Variants in MBNL2 observed in about 807,000 individuals in gnomAD.
The protein encoded by MBNL2 is muscleblind-like protein 2.
In MBNL2, 17 loss-of-function variants were observed where a neutral mutation model predicts 41.9. That is an observed-to-expected ratio of 0.41 (90% confidence interval 0.28 to 0.61). The LOEUF (loss-of-function observed/expected upper bound fraction) is 0.61. Among genes scored for constraint, MBNL2 ranks in the 20% least tolerant of loss-of-function variants. MBNL2 has a pLI of 0.35. For missense variants in MBNL2, 336 were observed against 505.6 expected, an observed-to-expected ratio of 0.66 and a Z score of 3.22; for synonymous variants, 195 against 182.9, an observed-to-expected ratio of 1.07 and a Z score of -0.53.
At chr13:97,242,024 C>A (rs2044385327) in intron 1 of MBNL2, among the ~76,000 whole-genome samples, 1 of 152,064 alleles carries the variant, frequency 6.6e-6, no homozygotes, top group Non-Finnish European at 1.5e-5. Context: ...GAGGACACTT[C>A]CGATGCCTTC....
chr13:97,364,069 G>A (rs529442991), intron 7 of MBNL2, among the ~76,000 whole-genome samples: 1 of 152,296 alleles, frequency 6.6e-6, no homozygotes, highest in African/African-American at 2.4e-5. Flanking sequence ...AACTGAACCA[G>A]TAGCAGATAA....
chr13:97,312,714 T>G (rs1421436131), intron 2 of MBNL2, among the ~76,000 whole-genome samples: 1 of 152,222 alleles, frequency 6.6e-6, no homozygotes, highest in Non-Finnish European at 1.5e-5. Flanking sequence ...TACTTATCAT[T>G]TACTACTCAT....
chr13:97,176,410 C>A, the MBNL2 span, among the ~76,000 whole-genome samples: 1 of 152,092 alleles, frequency 6.6e-6, no homozygotes, highest in Non-Finnish European at 1.5e-5. Flanking sequence ...TAATAGAAGC[C>A]TGAATATGCT....
intron 2 of MBNL2, among the ~76,000 whole-genome samples, chr13:97,307,641 C>T (rs2058244608): frequency 6.6e-6 from 1 of 152,110 alleles, no homozygotes; most frequent in African/African-American, 2.4e-5. Flanking sequence ...GATATAAACA[C>T]TGAAAAATTT....
upstream of MBNL2, among the ~76,000 whole-genome samples, chr13:97,218,244 A>G (rs1332645285): frequency 6.6e-6 from 1 of 151,960 alleles, no homozygotes; most frequent in Non-Finnish European, 1.5e-5. Flanking sequence ...TCCCATCTCT[A>G]CTAAAAATAT....
In MBNL2 at chr13:97,380,844, C is replaced by T. The variant is rs543591302; in HGVS notation, c.1049-10478C>T. ...CCGACGATTGGCTATTTTGGCACTT[C>T]CTGAGGGCTTACTGGGGAGGGCAGA... On this transcript the variant is annotated intron_variant, in intron 8 of 8. Coordinates refer to ENST00000679496, the MANE Select transcript of MBNL2 (RefSeq NM_001382683.1). Among the ~76,000 whole-genome samples, 18 of 152,238 alleles carry T rather than the reference C, an allele frequency of 1.2e-4. No individual in the cohort carries two copies. The South Asian group carries it at 3.3e-3, about 28-fold the overall frequency.
chr13:97,310,647 C>T (rs1040002976), intron 2 of MBNL2, among the ~76,000 whole-genome samples: 2 of 151,846 alleles, frequency 1.3e-5, no homozygotes, highest in African/African-American at 4.8e-5. Flanking sequence ...GCCAGGATGG[C>T]CTCCATCTCC....
At chr13:97,314,632 C>T (rs939706828) in intron 2 of MBNL2, among the ~76,000 whole-genome samples, 3 of 152,166 alleles carry the variant, frequency 2.0e-5, no homozygotes, top group African/African-American at 7.2e-5. Context: ...AACTGGTAGT[C>T]AATGCTGTCC....
At chr13:97,202,837 C>T in the MBNL2 span, among the ~76,000 whole-genome samples, 1 of 152,194 alleles carries the variant, frequency 6.6e-6, no homozygotes, top group Non-Finnish European at 1.5e-5. Flanking sequence ...GAAGTGGGTG[C>T]CATGGCTGGG....
chr13:97,150,097 T>C, the MBNL2 span, among the ~76,000 whole-genome samples: 1 of 151,138 alleles, frequency 6.6e-6, no homozygotes, highest in Non-Finnish European at 1.5e-5. Context: ...AAATGGAGAG[T>C]TTTTCCAATC....
In MBNL2 at chr13:97,292,612, C is replaced by T. The variant is rs139026288; in HGVS notation, c.174+16203C>T. On this transcript the variant is annotated intron_variant, in intron 2 of 8. Transcript: ENST00000679496. ...TTCAATTCTAAATAAAAATCTAGCT[C>T]ATTTTTACATGAAGTTTAAGCCCAC... 8.2e-3 allele frequency among the ~76,000 whole-genome samples: 1,240 copies of T among 151,696 alleles called. 13 individuals carry two copies. The highest frequency in any genetic ancestry group is 0.029 in the African/African-American group (1,189 of 41,374).
chr13:97,201,583 G>T, the MBNL2 span, among the ~76,000 whole-genome samples: 2 of 152,066 alleles, frequency 1.3e-5, no homozygotes, highest in African/African-American at 2.4e-5. Flanking sequence ...AATTTAGAAA[G>T]CTCTGTCTAC....
intron 1 of MBNL2, among the ~76,000 whole-genome samples, chr13:97,263,913 C>A (rs1229234090): frequency 1.3e-5 from 2 of 151,980 alleles, no homozygotes; most frequent in Admixed American, 6.6e-5. Context: ...GCACTGTGCC[C>A]AGCCTTACTT....
intron 1 of MBNL2, among the ~76,000 whole-genome samples, chr13:97,275,129 T>C (rs567498505): frequency 2.4e-4 from 37 of 152,114 alleles, no homozygotes; most frequent in Non-Finnish European, 4.1e-4. Flanking sequence ...AGAAAAAATA[T>C]CAAGAGGATC....
At chr13:97,165,439 T>C in the MBNL2 span, among the ~76,000 whole-genome samples, 1 of 152,186 alleles carries the variant, frequency 6.6e-6, no homozygotes, top group Non-Finnish European at 1.5e-5. Context: ...AAAATCATCC[T>C]GACATCATTT....
At chr13:97,146,751 G>GT in the MBNL2 span, among the ~76,000 whole-genome samples, 1 of 152,168 alleles carries the variant, frequency 6.6e-6, no homozygotes, top group Non-Finnish European at 1.5e-5. Flanking sequence ...CTCAGGATGT[G>GT]TTGTTCCCAG....
the MBNL2 span, among the ~76,000 whole-genome samples, chr13:97,163,456 G>A: frequency 1.1e-4 from 17 of 152,132 alleles, no homozygotes; most frequent in African/African-American, 4.1e-4. Flanking sequence ...GTAGAATTTG[G>A]CAAATCTGGG....
chr13:97,153,097 C>A, the MBNL2 span, among the ~76,000 whole-genome samples: 1 of 151,904 alleles, frequency 6.6e-6, no homozygotes, highest in East Asian at 1.9e-4. Context: ...CAAGCAGCAC[C>A]CCTCCAAATA....
the MBNL2 span, among the ~76,000 whole-genome samples, chr13:97,143,525 G>C: frequency 2.6e-5 from 4 of 152,140 alleles, no homozygotes; most frequent in Non-Finnish European, 5.9e-5. Flanking sequence ...GCTGGCTTCT[G>C]GTTTACTAGT....
Sources: gnomAD v4.1 joint callset for allele counts (sites outside exome capture counted in the v4.1 genomes callset) on GRCh38, gnomAD v4.1.1 for gene constraint, MANE v1.5 for transcripts, NCBI Gene and HGNC (gene_info 2026-07-23, HGNC 2026-07-21) for gene names.